DMD: variants seen among roughly 807,000 people sequenced by gnomAD.
The protein encoded by DMD is mutant dystrophin.
A neutral mutation model predicts 330.1 loss-of-function variants in DMD; 63 were observed. That is an observed-to-expected ratio of 0.19 (90% CI 0.16 to 0.24). The LOEUF (loss-of-function observed/expected upper bound fraction) is 0.24. Ranked by LOEUF, DMD falls within the 10% of genes least tolerant of loss-of-function variation. The pLI, the probability that DMD is intolerant of heterozygous loss-of-function variation, is 1.00. For missense variants in DMD, 3,344 were observed against 2,684.1 expected (o/e 1.25, Z -5.43); for synonymous variants, 1,223 against 959.8 (o/e 1.27, Z -5.07).
intron 66 of DMD, among the ~76,000 whole-genome samples, chrX:31,206,119 T>C (rs1015371009): frequency 8.9e-6 from 1 of 112,602 alleles, no homozygotes; most frequent in Admixed American, 9.4e-5. Flanking sequence ...AAAATGTTAG[T>C]CACGTCACGG....
Position 31,851,625 on chromosome X carries a change from C to T in DMD, c.7099-14806G>A, listed in dbSNP as rs138893765. Among the ~76,000 whole-genome samples, 657 of 112,222 alleles carry T rather than the reference C, an allele frequency of 5.9e-3. 6 individuals carry two copies. The highest frequency in any genetic ancestry group is 9.9e-3 in the Non-Finnish European group (530 of 53,274). ...ATATTGACAGATTACTTATTGTCTG[C>T]TAAACATTGTTTGAGGTACTAGATA... On this transcript the variant is annotated intron_variant, in intron 48 of 78. Transcript: ENST00000357033.
chrX:32,558,779 T>A (rs972918512), intron 16 of DMD, among the ~76,000 whole-genome samples: 13 of 110,995 alleles, frequency 1.2e-4, no homozygotes, highest in Non-Finnish European at 2.3e-4. Flanking sequence ...TATTAAATTT[T>A]TTAGTGCTTA....
intron 44 of DMD, among the ~76,000 whole-genome samples, chrX:32,057,825 C>T (rs763620849): frequency 1.2e-3 from 136 of 111,229 alleles, no homozygotes; most frequent in Non-Finnish European, 2.0e-3. Flanking sequence ...ATCACACTTG[C>T]TAGTTTCAAA....
chrX:31,249,032 G>A (rs1471890972), intron 63 of DMD, among the ~76,000 whole-genome samples: 2 of 111,759 alleles, frequency 1.8e-5, no homozygotes, highest in Non-Finnish European at 3.8e-5. Flanking sequence ...CCAATTTCCC[G>A]CATTAAATTC....
chrX:33,254,046 T>C (rs1009383215), intron 1 of DMD, among the ~76,000 whole-genome samples: 2 of 111,178 alleles, frequency 1.8e-5, no homozygotes, highest in African/African-American at 3.2e-5. Context: ...CATATTATTT[T>C]GTAAACAGTT....
chrX:32,975,131 T>C (rs542189021), intron 2 of DMD, among the ~76,000 whole-genome samples: 1 of 110,888 alleles, frequency 9.0e-6, no homozygotes, highest in South Asian at 3.8e-4. Context: ...AGCATCATTT[T>C]TTTTTTCTGA....
chrX:31,410,880 A>G (rs999635994), intron 60 of DMD, among the ~76,000 whole-genome samples: 3 of 105,623 alleles, frequency 2.8e-5, no homozygotes, highest in Non-Finnish European at 5.8e-5. Flanking sequence ...CTGGGACTAC[A>G]GGCATGTACC....
At chrX:32,389,783 T>C (rs999750487) in intron 31 of DMD, 109 bp from the exon 32 acceptor site, 10 of 793,465 alleles carry the variant, frequency 1.3e-5, no homozygotes, top group Non-Finnish European at 1.8e-5. Flanking sequence ...TACAGAAAAA[T>C]AAAAACAAAA....
chrX:31,408,788 T>A (rs1035732413), intron 60 of DMD, among the ~76,000 whole-genome samples: 6 of 112,265 alleles, frequency 5.3e-5, no homozygotes, highest in East Asian at 2.8e-4. Flanking sequence ...TTACAAAAAA[T>A]TTTATTATTA....
At chrX:31,494,979 A>G (rs1465124286) in intron 57 of DMD, among the ~76,000 whole-genome samples, 2 of 111,822 alleles carry the variant, frequency 1.8e-5, no homozygotes, top group African/African-American at 3.2e-5. Flanking sequence ...ATCCTTCTCA[A>G]TGAGTGCTTT....
intron 1 of DMD, among the ~76,000 whole-genome samples, chrX:33,170,420 T>A (rs1052333659): frequency 1.8e-5 from 2 of 111,265 alleles, no homozygotes; most frequent in African/African-American, 6.5e-5. Context: ...ATCTTTTATT[T>A]CTCATTCAGA....
At chrX:32,598,134 A>G (rs932120301) in intron 12 of DMD, among the ~76,000 whole-genome samples, 6 of 112,294 alleles carry the variant, frequency 5.3e-5, no homozygotes, top group African/African-American at 1.9e-4. Context: ...TTAGAACACT[A>G]TAAAATCACT....
At chrX:32,805,256 G>A (rs1277024566) in intron 7 of DMD, among the ~76,000 whole-genome samples, 1 of 111,649 alleles carries the variant, frequency 9.0e-6, no homozygotes, top group Non-Finnish European at 1.9e-5. Context: ...AACCAGTTTA[G>A]GCAAAACAAT....
At chrX:31,554,863 T>C (rs759281823) in intron 55 of DMD, among the ~76,000 whole-genome samples, 8 of 111,710 alleles carry the variant, frequency 7.2e-5, no homozygotes, top group African/African-American at 9.8e-5. Context: ...GTAAGACAAA[T>C]GTACTGAAGT....
At chrX:32,778,392 T>C (rs1422535728) in intron 7 of DMD, among the ~76,000 whole-genome samples, 1 of 111,198 alleles carries the variant, frequency 9.0e-6, no homozygotes, top group Non-Finnish European at 1.9e-5. Flanking sequence ...GCCCCAAAGC[T>C]GAACAGCCAA....
intron 2 of DMD, among the ~76,000 whole-genome samples, chrX:32,956,938 G>C (rs898722610): frequency 9.0e-6 from 1 of 111,650 alleles, no homozygotes; most frequent in Non-Finnish European, 1.9e-5. Flanking sequence ...TGGACAAAGG[G>C]CTCTCTTTCC....
intron 74 of DMD, among the ~76,000 whole-genome samples, chrX:31,155,416 G>A (rs2037993917): frequency 8.9e-6 from 1 of 112,223 alleles, no homozygotes; most frequent in Admixed American, 9.4e-5. Flanking sequence ...ACCAAAGCAT[G>A]AGCACACACA....
intron 2 of DMD, among the ~76,000 whole-genome samples, chrX:32,888,356 C>T (rs112447148): frequency 0.011 from 1,201 of 110,190 alleles, 22 homozygotes; most frequent in African/African-American, 0.039. Flanking sequence ...TTCCCCTCCC[C>T]GTGTCCATGT....
At chrX:31,919,863 C>T (rs2094664690) in intron 47 of DMD, among the ~76,000 whole-genome samples, 1 of 112,232 alleles carries the variant, frequency 8.9e-6, no homozygotes, top group African/African-American at 3.2e-5. Flanking sequence ...TTTTGGCATC[C>T]AGCTTACTTT....
Sources: gnomAD v4.1 joint callset for allele counts (sites outside exome capture counted in the v4.1 genomes callset) on GRCh38, gnomAD v4.1.1 for gene constraint, MANE v1.5 for transcripts, NCBI Gene and HGNC (gene_info 2026-07-23, HGNC 2026-07-21) for gene names.